CSMD1: variants seen among roughly 807,000 people sequenced by gnomAD.
The protein encoded by CSMD1 is CUB and sushi domain-containing protein 1.
In CSMD1, 213 loss-of-function variants were observed where a neutral mutation model predicts 417.5. That is an observed-to-expected ratio of 0.51 (90% CI 0.46 to 0.57). The LOEUF is 0.57. Ranked by LOEUF, CSMD1 falls within the 20% of genes least tolerant of loss-of-function variation. The probability of loss-of-function intolerance (pLI) is 0.00; values close to 1 mark genes in which losing one functional copy is unlikely to be tolerated. For missense variants in CSMD1, 6,923 were observed against 4,529.7 expected (o/e 1.53, Z -15.17); for synonymous variants, 2,862 against 1,736.8 (o/e 1.65, Z -16.11).
intron 12 of CSMD1, among the ~76,000 whole-genome samples, chr8:3,430,467 T>G (rs1282756501): frequency 6.6e-6 from 1 of 152,192 alleles, no homozygotes; most frequent in African/African-American, 2.4e-5. Flanking sequence ...GTTTATCAAG[T>G]AGATGATGGT....
intron 1 of CSMD1, among the ~76,000 whole-genome samples, chr8:4,871,005 G>C (rs181838250): frequency 6.6e-6 from 1 of 152,078 alleles, no homozygotes; most frequent in African/African-American, 2.4e-5. Context: ...GTCTGGTCTG[G>C]GTGTCAGAGC....
chr8:3,744,181 G>C (rs977320887), intron 6 of CSMD1, among the ~76,000 whole-genome samples: 3 of 151,850 alleles, frequency 2.0e-5, no homozygotes, highest in African/African-American at 7.3e-5. Context: ...GGAAGGTCTG[G>C]CGGGAGTGGG....
At chr8:4,715,368 T>C (rs1808588785) in intron 1 of CSMD1, among the ~76,000 whole-genome samples, 1 of 152,198 alleles carries the variant, frequency 6.6e-6, no homozygotes, top group Non-Finnish European at 1.5e-5. Flanking sequence ...CAAAGAGCAA[T>C]ATTAAAATTG....
intron 30 of CSMD1, among the ~76,000 whole-genome samples, chr8:3,211,649 T>C (rs974157956): frequency 2.0e-5 from 3 of 152,210 alleles, no homozygotes; most frequent in African/African-American, 7.2e-5. Flanking sequence ...CTGCGAGTCT[T>C]GTCTGGAGTG....
chr8:3,698,226 C>T (rs926918984), intron 7 of CSMD1, among the ~76,000 whole-genome samples: 4 of 152,140 alleles, frequency 2.6e-5, no homozygotes, highest in South Asian at 2.1e-4. Flanking sequence ...CAGTGACAAA[C>T]GCCTGTTTAG....
At chr8:3,821,471 A>G (rs1217180265) in intron 5 of CSMD1, among the ~76,000 whole-genome samples, 3 of 151,336 alleles carry the variant, frequency 2.0e-5, no homozygotes, top group Admixed American at 6.6e-5. Flanking sequence ...TAAGTGTAGG[A>G]CATTTTTGGC....
intron 5 of CSMD1, among the ~76,000 whole-genome samples, chr8:3,866,506 G>A (rs1024250505): frequency 1.3e-5 from 2 of 152,138 alleles, no homozygotes; most frequent in East Asian, 1.9e-4. Flanking sequence ...TGCCTGACGT[G>A]GTAAAGCATC....
At chr8:3,629,514 G>A (rs547502712) in intron 7 of CSMD1, among the ~76,000 whole-genome samples, 5 of 152,178 alleles carry the variant, frequency 3.3e-5, no homozygotes, top group African/African-American at 7.2e-5. Flanking sequence ...TAAAGACAAC[G>A]TTACAGCAAA....
In CSMD1 at chr8:4,538,991, A is replaced by C. The variant is rs376250672; in HGVS notation, c.302+98351T>G. On this transcript the variant is annotated intron_variant, in intron 2 of 69. Transcript: ENST00000635120. Reference sequence around the variant, plus strand: ...CTGGCTTCAGTTCTAATCTCAGCCAAAATAAATAAAATAACCTACTCCCTT... The same window carrying C: ...CTGGCTTCAGTTCTAATCTCAGCCACAATAAATAAAATAACCTACTCCCTT... Among the ~76,000 whole-genome samples, 12 of 152,328 alleles carry C rather than the reference A, an allele frequency of 7.9e-5. No individual in the cohort carries two copies. In the East Asian group the frequency reaches 2.1e-3, roughly 27 times the overall value.
chr8:3,955,752 C>A (rs1811898088), intron 5 of CSMD1, among the ~76,000 whole-genome samples: 1 of 152,120 alleles, frequency 6.6e-6, no homozygotes, highest in African/African-American at 2.4e-5. Context: ...AAAACAGGGT[C>A]AAATACATAG....
At chr8:3,516,188 C>T (rs1418300080) in intron 10 of CSMD1, among the ~76,000 whole-genome samples, 2 of 152,134 alleles carry the variant, frequency 1.3e-5, no homozygotes, top group Admixed American at 1.3e-4. Flanking sequence ...AATATTGTCT[C>T]CAAATTTGAA....
chr8:4,074,639 T>C (rs575005023), intron 3 of CSMD1, among the ~76,000 whole-genome samples: 1 of 152,234 alleles, frequency 6.6e-6, no homozygotes, highest in South Asian at 2.1e-4. Flanking sequence ...TCACTTTTAA[T>C]GTGAAATATC....
At chr8:4,578,844 C>G (rs1319018688) in intron 2 of CSMD1, among the ~76,000 whole-genome samples, 2 of 143,414 alleles carry the variant, frequency 1.4e-5, no homozygotes, top group Non-Finnish European at 3.0e-5. Context: ...CCTATCTTTA[C>G]AAGCAGAAAT....
Position 4,032,573 on chromosome 8 carries a change from C to T in CSMD1, c.416-474G>A, listed in dbSNP as rs139004959. On this transcript the variant is annotated intron_variant, in intron 3 of 69. Coordinates refer to ENST00000635120, the MANE Select transcript of CSMD1 (RefSeq NM_033225.6). ...GTACAGTGTCTGTTACACATCATTACCCAACGCTCAATCAACATTTGATGG... is the reference window on the plus strand; with the variant it reads ...GTACAGTGTCTGTTACACATCATTATCCAACGCTCAATCAACATTTGATGG... 4.2e-3 allele frequency among the ~76,000 whole-genome samples: 632 copies of T among 152,214 alleles called. 4 individuals are homozygous for T. Among genetic ancestry groups the T allele is most frequent in the African/African-American group, 0.014 (599 of 41,546 alleles).
At chr8:4,272,038 A>G (rs1177073111) in intron 3 of CSMD1, among the ~76,000 whole-genome samples, 11 of 152,242 alleles carry the variant, frequency 7.2e-5, no homozygotes, top group Admixed American at 6.5e-4. Flanking sequence ...GTTGAAAAAA[A>G]TTGCATGTAA....
chr8:3,523,195 C>A (rs1483424399), intron 10 of CSMD1, among the ~76,000 whole-genome samples: 1 of 152,198 alleles, frequency 6.6e-6, no homozygotes, highest in African/African-American at 2.4e-5. Flanking sequence ...TCAAATACAA[C>A]TGTGTCCATA....
chr8:3,697,201 C>A (rs1260545211), intron 7 of CSMD1, among the ~76,000 whole-genome samples: 2 of 152,106 alleles, frequency 1.3e-5, no homozygotes, highest in Admixed American at 6.5e-5. Flanking sequence ...CAAGTCTGGG[C>A]AAAACTTATT....
intron 15 of CSMD1, among the ~76,000 whole-genome samples, chr8:3,402,965 G>A (rs976592807): frequency 1.3e-5 from 2 of 152,060 alleles, no homozygotes; most frequent in Admixed American, 1.3e-4. Context: ...CTCATAGAAA[G>A]TACTGTTCTA....
chr8:4,696,084 T>G (rs953824988), intron 1 of CSMD1, among the ~76,000 whole-genome samples: 1 of 152,220 alleles, frequency 6.6e-6, no homozygotes, highest in Non-Finnish European at 1.5e-5. Context: ...ATCTGGTTCA[T>G]GATCAATCAA....
Sources: gnomAD v4.1 joint callset for allele counts (sites outside exome capture counted in the v4.1 genomes callset) on GRCh38, gnomAD v4.1.1 for gene constraint, MANE v1.5 for transcripts, NCBI Gene and HGNC (gene_info 2026-07-23, HGNC 2026-07-21) for gene names.